Variants in AKT3 observed in about 807,000 individuals in gnomAD.
The protein encoded by AKT3 is RAC-gamma serine/threonine-protein kinase.
AKT3 carries 15 observed loss-of-function variants against 65.3 expected under a neutral mutation model. The ratio of observed to expected loss-of-function variants is 0.23; its 90% CI spans 0.15 to 0.35. The LOEUF is 0.35. Ranked by LOEUF, AKT3 falls within the 10% of genes least tolerant of loss-of-function variation. The pLI, the probability that AKT3 is intolerant of heterozygous loss-of-function variation, is 1.00. For missense variants in AKT3, 243 were observed against 576.5 expected (o/e 0.42, Z 5.92); for synonymous variants, 206 against 183.8 (o/e 1.12, Z -0.98).
chr1:243,696,326 A>G (rs1685063355), intron 2 of AKT3, among the ~76,000 whole-genome samples: 2 of 152,006 alleles, frequency 1.3e-5, no homozygotes, highest in Non-Finnish European at 2.9e-5. Flanking sequence ...TCACACATAC[A>G]CAAACATAGT....
intron 2 of AKT3, 88 bp downstream of exon 2, chr1:243,843,037 A>G (rs527315967): frequency 1.2e-5 from 16 of 1,320,212 alleles, no homozygotes; most frequent in Non-Finnish European, 1.4e-5. Flanking sequence ...ACAGTTTAAC[A>G]GTATCAGAAA....
At chr1:243,841,616 T>C (rs892095952) in intron 2 of AKT3, among the ~76,000 whole-genome samples, 26 of 152,154 alleles carry the variant, frequency 1.7e-4, no homozygotes, top group Admixed American at 1.4e-3. Flanking sequence ...TTGTTAAACA[T>C]ATACTTCTTA....
At chr1:243,803,273 C>T (rs143910397) in intron 2 of AKT3, among the ~76,000 whole-genome samples, 1 of 152,220 alleles carries the variant, frequency 6.6e-6, no homozygotes, top group African/African-American at 2.4e-5. Context: ...CCAGATCTAT[C>T]TGCCTCCAAA....
chr1:243,707,838 C>T (rs1685900535), intron 2 of AKT3, among the ~76,000 whole-genome samples: 1 of 152,002 alleles, frequency 6.6e-6, no homozygotes, highest in African/African-American at 2.4e-5. Flanking sequence ...TTTATAAGTG[C>T]ACAGGAATAA....
intron 3 of AKT3, among the ~76,000 whole-genome samples, chr1:243,680,188 G>A (rs1161489555): frequency 6.6e-6 from 1 of 152,130 alleles, no homozygotes; most frequent in Non-Finnish European, 1.5e-5. Context: ...GAGTGCATGG[G>A]TTGGGGGGTG....
At chr1:243,573,428 T>C (rs1674706214) in intron 8 of AKT3, among the ~76,000 whole-genome samples, 1 of 152,218 alleles carries the variant, frequency 6.6e-6, no homozygotes, top group African/African-American at 2.4e-5. Flanking sequence ...AGCACAGATA[T>C]ATTTTCACTT....
At chr1:243,841,320 G>A (rs147182053) in intron 2 of AKT3, among the ~76,000 whole-genome samples, 55 of 152,186 alleles carry the variant, frequency 3.6e-4, no homozygotes, top group African/African-American at 1.1e-3. Flanking sequence ...TGTTAGAACT[G>A]TCAAAATAAA....
rs148330962 is a variant in AKT3 at position 243,515,331 on chromosome 1, T to C, written c.1252-2905A>G. ...TAAGGAGTGGAATGGCTGGGCCGTA[T>C]GGTAGGTATACATTTGACTTTTCCA... On this transcript the variant is annotated intron_variant, in intron 12 of 13. Transcript: ENST00000673466. Among the ~76,000 whole-genome samples the C allele has an allele frequency of 7.7e-4, 117 of 152,206 alleles. 1 individual carries two copies. The East Asian group carries it at 0.019, about 25-fold the overall frequency.
intron 2 of AKT3, among the ~76,000 whole-genome samples, chr1:243,820,953 GAGA>G (rs1428207139): frequency 1.3e-5 from 2 of 152,100 alleles, no homozygotes; most frequent in Non-Finnish European, 2.9e-5. Context: ...GATACTCCAT[GAGA>G]AGATCAACCC....
At chr1:243,747,407 TG>T (rs1688540063) in intron 2 of AKT3, among the ~76,000 whole-genome samples, 2 of 152,218 alleles carry the variant, frequency 1.3e-5, no homozygotes, top group Non-Finnish European at 1.5e-5. Context: ...CATATTTTCA[TG>T]CTTTTTTTAT....
At chr1:243,550,199 A>G (rs1277823847) in intron 11 of AKT3, among the ~76,000 whole-genome samples, 1 of 152,168 alleles carries the variant, frequency 6.6e-6, no homozygotes, top group Non-Finnish European at 1.5e-5. Flanking sequence ...GAACATCTAG[A>G]GCAGAGACTG....
chr1:243,725,901 A>T (rs1458010963), intron 2 of AKT3, among the ~76,000 whole-genome samples: 3 of 152,226 alleles, frequency 2.0e-5, no homozygotes, highest in Admixed American at 6.5e-5. Flanking sequence ...ATAGCTAAAA[A>T]GTACACACAG....
At chr1:243,750,195 T>C (rs895478192) in intron 2 of AKT3, among the ~76,000 whole-genome samples, 1 of 152,228 alleles carries the variant, frequency 6.6e-6, no homozygotes, top group Non-Finnish European at 1.5e-5. Context: ...TCCTTCAAAG[T>C]AATGCTTTAA....
Position 243,619,893 on chromosome 1 carries a change from A to G in AKT3, c.562-4732T>C, listed in dbSNP as rs562790830. On this transcript the variant is annotated intron_variant, in intron 6 of 13. Coordinates refer to ENST00000673466, the MANE Select transcript of AKT3 (RefSeq NM_005465.7). ...TTTTTAGTTTTTGAGGAACTTTCAT[A>G]TGGTTTTCTATAGTGGTTATACTGA... Among the ~76,000 whole-genome samples the G allele has an allele frequency of 5.5e-4, 54 of 98,218 alleles. 23 individuals are homozygous for G. The highest frequency in any genetic ancestry group is 1.5e-3 in the Non-Finnish European group (52 of 35,222). The allele number at this position is 98,218 out of a possible 152,430, so 64.4% of individuals were successfully genotyped here. A position where few individuals can be genotyped will look rare whatever the true frequency, so the allele number is the denominator to read the frequency against.
At chr1:243,636,176 A>C (rs1315242578) in intron 6 of AKT3, among the ~76,000 whole-genome samples, 1 of 152,100 alleles carries the variant, frequency 6.6e-6, no homozygotes, top group Non-Finnish European at 1.5e-5. Flanking sequence ...GGTAGTAATA[A>C]TACACAGTAG....
chr1:243,702,843 GAGC>G (rs1217329025), intron 2 of AKT3: 7 of 152,100 alleles, frequency 4.6e-5, no homozygotes, highest in African/African-American at 1.4e-4. Flanking sequence ...CCAAAGAAAA[GAGC>G]AGAAGTCAGA....
chr1:243,615,243 G>A (rs1308468099), intron 6 of AKT3, 82 bp from the exon 7 acceptor site: 2 of 1,109,352 alleles, frequency 1.8e-6, no homozygotes, highest in Non-Finnish European at 2.6e-6. Flanking sequence ...AAAATTGGAA[G>A]AGGTTAAGCC....
intron 7 of AKT3, 81 bp from the exon 8 acceptor site, chr1:243,613,820 A>G: frequency 2.6e-6 from 2 of 782,848 alleles, no homozygotes; most frequent in Non-Finnish European, 1.9e-6. Context: ...TAGAACACAT[A>G]GAAATAGTAA....
intron 3 of AKT3, among the ~76,000 whole-genome samples, chr1:243,691,012 AG>A (rs1457171659): frequency 6.6e-6 from 1 of 152,224 alleles, no homozygotes; most frequent in Non-Finnish European, 1.5e-5. Context: ...AGACATGCAC[AG>A]GAACAAGATA....
Sources: gnomAD v4.1 joint callset for allele counts (sites outside exome capture counted in the v4.1 genomes callset) on GRCh38, gnomAD v4.1.1 for gene constraint, MANE v1.5 for transcripts, NCBI Gene and HGNC (gene_info 2026-07-23, HGNC 2026-07-21) for gene names.